OR10H4: variants seen among roughly 807,000 people sequenced by gnomAD.
OR10H4 encodes olfactory receptor family 10 subfamily H member 4, also known as olfactory receptor 10H4.
Under a neutral mutation model 10.5 loss-of-function variants are expected in OR10H4, and 10 were observed. The observed-to-expected ratio is 0.95, with a 90% CI of 0.59 to 1.62. The LOEUF is 1.62. Ranked by LOEUF, OR10H4 falls within the 40% of genes most tolerant of loss-of-function variation. The pLI, the probability that OR10H4 is intolerant of heterozygous loss-of-function variation, is 0.00. For missense variants in OR10H4, 397 were observed against 391.5 expected, an observed-to-expected ratio of 1.01 and a Z score of -0.12; for synonymous variants, 160 against 149.4, an observed-to-expected ratio of 1.07 and a Z score of -0.52.
In OR10H4 at chr19:15,949,149, G is replaced by A. The variant is rs763820341; in HGVS notation, c.142G>A (p.Ala48Thr). 12 of 1,613,940 alleles carry A rather than the reference G, an allele frequency of 7.4e-6. No individual in the cohort carries two copies. In the African/African-American group the frequency reaches 1.2e-4, roughly 16 times the overall value. ...ATTGCTGGGCAACCTTCTCATCATG[G>A]CCACAATCTGGATTGAACACAGACT... is the stretch of plus-strand genomic sequence containing the variant. ...FTLLGNLLIM[A>T]TIWIEHRLHT... is the part of the protein sequence containing the mutation. Residue 48 changes from alanine to threonine, a missense_variant, in exon 1 of 1, where the codon GCC becomes ACC. Ala to Thr is a moderately conservative substitution (Grantham distance 58). Transcript: ENST00000322107.
Position 15,949,492 on chromosome 19 carries a change from C to T in OR10H4, c.485C>T (p.Thr162Met), listed in dbSNP as rs749272961. The T allele has an allele frequency of 1.9e-5, 31 of 1,614,104 alleles. No homozygotes were observed. Among genetic ancestry groups the T allele is most frequent in the African/African-American group, 1.6e-4 (12 of 74,938 alleles). Residue 162 changes from threonine to methionine, a missense_variant, in exon 1 of 1, where the codon ACG (threonine) becomes ATG (methionine). Coordinates refer to ENST00000322107, the MANE Select transcript of OR10H4 (RefSeq NM_001004465.1). ...GGSVMGMMVT[T>M]IVFHLTFCGS... The stretch of plus-strand genomic sequence containing the variant: ...TCAGTCATGGGGATGATGGTGACAA[C>T]GATAGTTTTCCACCTCACTTTCTGT...
At position 15,949,916 on chromosome 19, in the gene OR10H4, A is replaced by G. The variant is rs2089836276; in HGVS notation, c.909A>G (p.Ile303Met). The G allele has an allele frequency of 6.2e-7, 1 of 1,606,458 alleles. No homozygotes were observed. Among genetic ancestry groups the G allele is most frequent in the South Asian group, 1.1e-5 (1 of 89,812 alleles). The change falls in exon 1 of 1, where the codon ATA (isoleucine) becomes ATG (methionine). Residue 303 changes from isoleucine to methionine, a missense_variant. Coordinates refer to ENST00000322107, the MANE Select transcript of OR10H4 (RefSeq NM_001004465.1). Reference sequence around the variant, plus strand: ...GGAACAAGGAGCTGAAGAATGCCATAAATAAAAACTTTTACAGAAAATTCT... The same window carrying G: ...GGAACAAGGAGCTGAAGAATGCCATGAATAAAAACTTTTACAGAAAATTCT... ...SLRNKELKNAINKNFYRKFCP... is the reference protein window; with the variant it reads ...SLRNKELKNAMNKNFYRKFCP...
rs757194745 is a variant in OR10H4, at chr19:15,949,844, C to A, written c.837C>A (p.Thr279=). ...ACAGTGACGCCTTGATGGCCACCAC[C>A]TATACTGTCTTCACCCCCTTCCTTA... ...SMYSDALMAT[T]YTVFTPFLSP... is the part of the protein sequence containing the mutation. Residue 279 remains threonine, a synonymous_variant, in exon 1 of 1, where the codon ACC becomes ACA. Transcript: ENST00000322107. The A allele has an allele frequency of 3.8e-5, 62 of 1,613,996 alleles. No homozygotes were observed. Among genetic ancestry groups the A allele is most frequent in the Non-Finnish European group, 4.7e-5 (56 of 1,180,020 alleles).
At position 15,949,204 on chromosome 19, in the gene OR10H4, C is replaced by T; in HGVS notation, c.197C>T (p.Thr66Ile). 1.2e-6 allele frequency: 2 copies of T among 1,614,210 alleles called. No homozygotes were observed. Among genetic ancestry groups the T allele is most frequent in the Non-Finnish European group, 1.7e-6 (2 of 1,180,038 alleles). ...LHTPMYLFLCTLSVSEILFTV... is the reference protein window; with the variant it reads ...LHTPMYLFLCILSVSEILFTV... ...ACACCCATGTACCTCTTCTTGTGCA[C>T]CCTCTCCGTCTCTGAGATTCTGTTC... The change falls in exon 1 of 1, where the codon ACC (threonine) becomes ATC (isoleucine). Residue 66 changes from threonine to isoleucine, a missense_variant. Physicochemically the swap from Thr to Ile is moderately conservative, Grantham distance 89. Coordinates refer to ENST00000322107, the MANE Select transcript of OR10H4 (RefSeq NM_001004465.1).
chr19:15,949,279 A>G lies in OR10H4; in HGVS notation c.272A>G (p.His91Arg). 1.2e-6 allele frequency: 2 copies of G among 1,614,096 alleles called. No individual in the cohort carries two copies. Among genetic ancestry groups the G allele is most frequent in the Non-Finnish European group, 1.7e-6 (2 of 1,180,022 alleles). Residue 91 changes from histidine (H) to arginine (R), a missense_variant, in exon 1 of 1, where the codon CAT (histidine) becomes CGT (arginine). By Grantham distance (29) the His-to-Arg change is conservative. Coordinates refer to ENST00000322107, the MANE Select transcript of OR10H4 (RefSeq NM_001004465.1). ...RMLADLLSTH[H>R]SITFVACANQ... The stretch of plus-strand genomic sequence containing the variant: ...CTGGCTGATCTGCTTTCCACCCATC[A>G]TTCCATCACCTTTGTGGCTTGTGCC...
Position 15,949,882 on chromosome 19 carries a change from T to G in OR10H4, c.875T>G (p.Phe292Cys), listed in dbSNP as rs2089836021. 4.3e-6 allele frequency: 7 copies of G among 1,614,154 alleles called. No homozygotes were observed. The East Asian group carries it at 1.6e-4, about 36-fold the overall frequency. Residue 292 changes from phenylalanine to cysteine, a missense_variant, in exon 1 of 1, where the codon TTC becomes TGC. Phe to Cys is a radical substitution (Grantham distance 205). Transcript: ENST00000322107. ...VFTPFLSPIIFSLRNKELKNA... is the reference protein window; with the variant it reads ...VFTPFLSPIICSLRNKELKNA... ...ACCCCCTTCCTTAGCCCAATCATTT[T>G]CAGCCTAAGGAACAAGGAGCTGAAG... is the stretch of plus-strand genomic sequence containing the variant.
chr19:15,949,826 C>A lies in OR10H4; in HGVS notation c.819C>A (p.Asp273Glu). The change falls in exon 1 of 1, where the codon GAC becomes GAA. Residue 273 changes from aspartate (D) to glutamate (E), a missense_variant. Physicochemically the swap from Asp to Glu is conservative, Grantham distance 45. Transcript: ENST00000322107. ...AGGGCCTCCATTCTATGTACAGTGA[C>A]GCCTTGATGGCCACCACCTATACTG... ...KPKGLHSMYS[D>E]ALMATTYTVF... 1.9e-6 allele frequency: 3 copies of A among 1,614,142 alleles called. No homozygotes were observed. The highest frequency in any genetic ancestry group is 2.5e-6 in the Non-Finnish European group (3 of 1,180,028).
At position 15,949,283 on chromosome 19, in the gene OR10H4, C is replaced by T; in HGVS notation, c.276C>T (p.Ser92=). The change falls in exon 1 of 1, where the codon TCC becomes TCT. Residue 92 remains serine (S), a synonymous_variant. Coordinates refer to ENST00000322107, the MANE Select transcript of OR10H4 (RefSeq NM_001004465.1). ...CTGATCTGCTTTCCACCCATCATTC[C>T]ATCACCTTTGTGGCTTGTGCCAACC... is the stretch of plus-strand genomic sequence containing the variant. The part of the protein sequence containing the change: ...MLADLLSTHH[S]ITFVACANQM... The T allele has an allele frequency of 1.9e-6, 3 of 1,614,242 alleles. No individual in the cohort carries two copies. Among genetic ancestry groups the T allele is most frequent in the East Asian group, 2.2e-5 (1 of 44,896 alleles).
In OR10H4 at chr19:15,949,130, G is replaced by A; in HGVS notation, c.123G>A (p.Leu41=). The A allele has an allele frequency of 6.2e-7, 1 of 1,614,088 alleles. No individual in the cohort carries two copies. Among genetic ancestry groups the A allele is most frequent in the Non-Finnish European group, 8.5e-7 (1 of 1,180,012 alleles). The change falls in exon 1 of 1, where the codon CTG becomes CTA. Residue 41 remains leucine, a synonymous_variant. Coordinates refer to ENST00000322107, the MANE Select transcript of OR10H4 (RefSeq NM_001004465.1). The stretch of plus-strand genomic sequence containing the variant: ...TCCTGATGTTCCTGTTCACATTGCT[G>A]GGCAACCTTCTCATCATGGCCACAA... ...LYLLMFLFTL[L]GNLLIMATIW...
At position 15,949,086 on chromosome 19, in the gene OR10H4, A is replaced by G; in HGVS notation, c.79A>G (p.Ile27Val). 6.2e-7 allele frequency: 1 copy of G among 1,614,160 alleles called. No individual in the cohort carries two copies. Among genetic ancestry groups the G allele is most frequent in the Non-Finnish European group, 8.5e-7 (1 of 1,180,024 alleles). Reference protein sequence around the residue: ...FSAFPQHLLPILFLLYLLMFL... With the variant: ...FSAFPQHLLPVLFLLYLLMFL... ...AGCCTTCCCCCAGCACCTCCTGCCCATCTTGTTCCTGCTGTACCTCCTGAT... is the reference window on the plus strand; with the variant it reads ...AGCCTTCCCCCAGCACCTCCTGCCCGTCTTGTTCCTGCTGTACCTCCTGAT... Residue 27 changes from isoleucine to valine, a missense_variant, in exon 1 of 1, where the codon ATC becomes GTC. Transcript: ENST00000322107.
rs1416634053 is a variant in OR10H4 at position 15,949,390 on chromosome 19, G to A, written c.383G>A (p.Cys128Tyr). The change falls in exon 1 of 1, where the codon TGC becomes TAC. Residue 128 changes from cysteine to tyrosine, a missense_variant. Physicochemically the swap from Cys to Tyr is radical, Grantham distance 194 (BLOSUM62 -2). Coordinates refer to ENST00000322107, the MANE Select transcript of OR10H4 (RefSeq NM_001004465.1). ...GGCTATGATCGCTATGTGGCCATCT[G>A]CCACCCACTGCGTTACAATGTGCTC... ...VMGYDRYVAI[C>Y]HPLRYNVLMS... 6.2e-7 allele frequency: 1 copy of A among 1,614,180 alleles called. No individual in the cohort carries two copies.
chr19:15,949,300 G>C lies in OR10H4; in HGVS notation c.293G>C (p.Cys98Ser). 6.2e-7 allele frequency: 1 copy of C among 1,602,292 alleles called. No individual in the cohort carries two copies. The highest frequency in any genetic ancestry group is 1.1e-5 in the South Asian group (1 of 89,488). Residue 98 changes from cysteine (C) to serine (S), a missense_variant, in exon 1 of 1, where the codon TGT becomes TCT. Coordinates refer to ENST00000322107, the MANE Select transcript of OR10H4 (RefSeq NM_001004465.1). ...STHHSITFVACANQMFFSFMF... is the reference protein window; with the variant it reads ...STHHSITFVASANQMFFSFMF... ...CATCATTCCATCACCTTTGTGGCTT[G>C]TGCCAACCAGATGTTCTTCTCCTTC...
Position 15,949,410 on chromosome 19 carries a change from G to A in OR10H4, c.403G>A (p.Val135Met), listed in dbSNP as rs776322230. Reference sequence around the variant, plus strand: ...CATCTGCCACCCACTGCGTTACAATGTGCTCATGAGCCCCCGTGACTGTGC... The same window carrying A: ...CATCTGCCACCCACTGCGTTACAATATGCTCATGAGCCCCCGTGACTGTGC... The part of the protein sequence containing the change: ...VAICHPLRYN[V>M]LMSPRDCAHL... The change falls in exon 1 of 1, where the codon GTG becomes ATG. Residue 135 changes from valine to methionine, a missense_variant. Transcript: ENST00000322107. 5.6e-6 allele frequency: 9 copies of A among 1,614,024 alleles called. No individual in the cohort carries two copies. Among genetic ancestry groups the A allele is most frequent in the Non-Finnish European group, 5.9e-6 (7 of 1,180,026 alleles).
Position 15,949,684 on chromosome 19 carries a change from C to T in OR10H4, c.677C>T (p.Ala226Val). The change falls in exon 1 of 1, where the codon GCC becomes GTC. Residue 226 changes from alanine (A) to valine (V), a missense_variant. Physicochemically the swap from Ala to Val is moderately conservative, Grantham distance 64. Transcript: ENST00000322107. Reference sequence around the variant, plus strand: ...CTCTCCTATGTCTTCATTGTGGCTGCCATCTTGAGGATTCCCTCTGCCGAA... The same window carrying T: ...CTCTCCTATGTCTTCATTGTGGCTGTCATCTTGAGGATTCCCTCTGCCGAA... ...IILSYVFIVA[A>V]ILRIPSAEGR... 4 of 1,614,168 alleles carry T rather than the reference C, an allele frequency of 2.5e-6. No homozygotes were observed. The highest frequency in any genetic ancestry group is 1.3e-5 in the African/African-American group (1 of 75,032).
Position 15,949,066 on chromosome 19 carries a change from T to C in OR10H4, c.59T>C (p.Phe20Ser). Residue 20 changes from phenylalanine (F) to serine (S), a missense_variant, in exon 1 of 1, where the codon TTC becomes TCC. Transcript: ENST00000322107. The part of the protein sequence containing the change: ...SEFNLFGFSA[F>S]PQHLLPILFL... ...TTTAACCTCTTTGGCTTCTCAGCCT[T>C]CCCCCAGCACCTCCTGCCCATCTTG... 6.2e-7 allele frequency: 1 copy of C among 1,614,120 alleles called. No individual in the cohort carries two copies. Among genetic ancestry groups the C allele is most frequent in the Non-Finnish European group, 8.5e-7 (1 of 1,179,988 alleles).
Position 15,949,136 on chromosome 19 carries a change from C to A in OR10H4, c.129C>A (p.Asn43Lys), listed in dbSNP as rs778827023. The change falls in exon 1 of 1, where the codon AAC becomes AAA. Residue 43 changes from asparagine to lysine, a missense_variant. Physicochemically the swap from Asn to Lys is moderately conservative, Grantham distance 94. Coordinates refer to ENST00000322107, the MANE Select transcript of OR10H4 (RefSeq NM_001004465.1). Reference protein sequence around the residue: ...LLMFLFTLLGNLLIMATIWIE... With the variant: ...LLMFLFTLLGKLLIMATIWIE... ...TGTTCCTGTTCACATTGCTGGGCAA[C>A]CTTCTCATCATGGCCACAATCTGGA... 14 of 1,614,056 alleles carry A rather than the reference C, an allele frequency of 8.7e-6. No individual in the cohort carries two copies. The highest frequency in any genetic ancestry group is 1.3e-5 in the African/African-American group (1 of 74,920).
Position 15,949,832 on chromosome 19 carries a change from G to A in OR10H4, c.825G>A (p.Leu275=). The change falls in exon 1 of 1, where the codon TTG becomes TTA. Residue 275 remains leucine, a synonymous_variant. Coordinates refer to ENST00000322107, the MANE Select transcript of OR10H4 (RefSeq NM_001004465.1). ...KGLHSMYSDA[L]MATTYTVFTP... ...TCCATTCTATGTACAGTGACGCCTT[G>A]ATGGCCACCACCTATACTGTCTTCA... 6.2e-7 allele frequency: 1 copy of A among 1,614,108 alleles called. No individual in the cohort carries two copies.
chr19:15,949,247 T>G lies in OR10H4; in HGVS notation c.240T>G (p.Pro80=), dbSNP rs1568263566. The change falls in exon 1 of 1, where the codon CCT becomes CCG. Residue 80 remains proline (P), a synonymous_variant. Coordinates refer to ENST00000322107, the MANE Select transcript of OR10H4 (RefSeq NM_001004465.1). ...SEILFTVAIT[P]RMLADLLSTH... Reference sequence around the variant, plus strand: ...TTCTGTTCACTGTTGCCATCACCCCTCGCATGCTGGCTGATCTGCTTTCCA... The same window carrying G: ...TTCTGTTCACTGTTGCCATCACCCCGCGCATGCTGGCTGATCTGCTTTCCA... 6.2e-7 allele frequency: 1 copy of G among 1,614,226 alleles called. No individual in the cohort carries two copies. Among genetic ancestry groups the G allele is most frequent in the Non-Finnish European group, 8.5e-7 (1 of 1,180,022 alleles).
Position 15,949,592 on chromosome 19 carries a change from A to T in OR10H4, c.585A>T (p.Ser195=), listed in dbSNP as rs763970552. 2.5e-6 allele frequency: 4 copies of T among 1,614,216 alleles called. No individual in the cohort carries two copies. Among genetic ancestry groups the T allele is most frequent in the South Asian group, 1.1e-5 (1 of 91,084 alleles). The change falls in exon 1 of 1, where the codon TCA becomes TCT. Residue 195 remains serine, a synonymous_variant. Transcript: ENST00000322107. ...AGTTGGCCTGTGAAAACAAGACATC[A>T]TCTGTCATCATGGGTGTGATGCTGG... ...LLKLACENKT[S]SVIMGVMLVC...
Sources: allele counts gnomAD v4.1 joint callset, GRCh38; gene constraint gnomAD v4.1.1; transcripts MANE v1.5; gene names NCBI Gene and HGNC (gene_info 2026-07-23, HGNC 2026-07-21).